Variants in PCDHA13 observed in about 807,000 individuals in gnomAD.
PCDHA13 encodes the protein protocadherin alpha-13.
A neutral mutation model predicts 64.8 loss-of-function variants in PCDHA13; 54 were observed. That is an observed-to-expected ratio of 0.83 (90% CI 0.67 to 1.04). The LOEUF (loss-of-function observed/expected upper bound fraction) is 1.04. Among genes scored for constraint, PCDHA13 ranks in the 50% least tolerant of loss-of-function variants. PCDHA13 has a pLI of 0.00. For synonymous variants in PCDHA13, 587 were observed against 564.4 expected, an observed-to-expected ratio of 1.04 and a Z score of -0.57; for missense variants, 1,248 against 1,254.3, an observed-to-expected ratio of 0.99 and a Z score of 0.08.
intron 2 of PCDHA13, chr5:140,982,263 C>A: frequency 1.2e-6 from 1 of 858,968 alleles, no homozygotes; most frequent in Non-Finnish European, 1.7e-6. Flanking sequence ...ATGTGTGTTC[C>A]TGGAATAGTA....
intron 1 of PCDHA13, chr5:140,928,082 T>C: frequency 1.2e-6 from 2 of 1,614,212 alleles, no homozygotes. Context: ...TACTACAGCC[T>C]GCTGATTGAT....
chr5:140,922,176 CA>C (rs3836750), intron 1 of PCDHA13, among the ~76,000 whole-genome samples: 49,174 of 150,706 alleles, frequency 0.33, 8,259 homozygotes, highest in East Asian at 0.53. Context: ...GTACAGCAGA[CA>C]AAAAAAAAGT....
intron 1 of PCDHA13, chr5:140,930,486 G>T (rs1211564539): frequency 6.6e-6 from 1 of 152,320 alleles, no homozygotes; most frequent in Non-Finnish European, 1.5e-5. Flanking sequence ...GCCTCCCAAA[G>T]TGCTGGGATT....
chr5:140,922,786 G>A (rs1397049612), intron 1 of PCDHA13, among the ~76,000 whole-genome samples: 2 of 152,198 alleles, frequency 1.3e-5, no homozygotes, highest in African/African-American at 4.8e-5. Context: ...AGAGAAAACT[G>A]TAGCTTTGGA....
At chr5:140,943,200 G>A (rs2093432800) in intron 1 of PCDHA13, among the ~76,000 whole-genome samples, 1 of 140,910 alleles carries the variant, frequency 7.1e-6, no homozygotes, top group Non-Finnish European at 1.5e-5. Context: ...GGAGGCTGCA[G>A]TAAGCCAAGA....
intron 1 of PCDHA13, among the ~76,000 whole-genome samples, chr5:140,977,306 C>T (rs995052680): frequency 6.6e-6 from 1 of 152,150 alleles, no homozygotes; most frequent in African/African-American, 2.4e-5. Context: ...GACAAGCTAA[C>T]GATAGTGCTC....
chr5:140,988,578 C>A (rs1490917539), intron 3 of PCDHA13, among the ~76,000 whole-genome samples: 1 of 152,138 alleles, frequency 6.6e-6, no homozygotes, highest in African/African-American at 2.4e-5. Context: ...ACACTCTGTA[C>A]CTTCCACTTT....
chr5:140,904,901 T>C (rs782489947), intron 1 of PCDHA13, among the ~76,000 whole-genome samples: 9 of 152,224 alleles, frequency 5.9e-5, no homozygotes, highest in Non-Finnish European at 1.0e-4. Context: ...TTTGTTTTTC[T>C]TACTGATTTG....
At chr5:140,993,321 G>A (rs1021026330) in intron 3 of PCDHA13, among the ~76,000 whole-genome samples, 58 of 152,134 alleles carry the variant, frequency 3.8e-4, no homozygotes, top group African/African-American at 5.3e-4. Context: ...TACCTTCTAA[G>A]TGTTTGTGAT....
chr5:140,929,409 T>C, intron 1 of PCDHA13: 11 of 1,506,206 alleles, frequency 7.3e-6, no homozygotes, highest in Non-Finnish European at 9.8e-6. Context: ...GACAAGCCTT[T>C]CACAACATTT....
chr5:140,962,288 A>G (rs1310558261), intron 1 of PCDHA13, among the ~76,000 whole-genome samples: 2 of 152,192 alleles, frequency 1.3e-5, no homozygotes, highest in African/African-American at 4.8e-5. Flanking sequence ...TCAACCTTTA[A>G]TATTCTATGA....
At chr5:140,966,542 G>C (rs926112867) in intron 1 of PCDHA13, 4 of 464,302 alleles carry the variant, frequency 8.6e-6, no homozygotes, top group Non-Finnish European at 1.5e-5. Flanking sequence ...GAGCGACTCG[G>C]AGGCGAGCGG....
At chr5:140,994,004 C>T (rs1366489476) in intron 3 of PCDHA13, among the ~76,000 whole-genome samples, 3 of 152,186 alleles carry the variant, frequency 2.0e-5, no homozygotes, top group Non-Finnish European at 2.9e-5. Context: ...AGGCCAGGCT[C>T]TGTTCTAGGT....
intron 1 of PCDHA13, among the ~76,000 whole-genome samples, chr5:140,888,287 C>A (rs1371852276): frequency 6.6e-6 from 1 of 152,072 alleles, no homozygotes; most frequent in Non-Finnish European, 1.5e-5. Context: ...CCCCTCTACC[C>A]CCTACCCAGG....
chr5:140,928,216 A>T, intron 1 of PCDHA13: 1 of 1,614,188 alleles, frequency 6.2e-7, no homozygotes, highest in Non-Finnish European at 8.5e-7. Context: ...GAATGACAAT[A>T]CACCAAACTT....
intron 1 of PCDHA13, among the ~76,000 whole-genome samples, chr5:140,917,324 CG>C (rs1299895515): frequency 5.3e-5 from 4 of 76,126 alleles, no homozygotes; most frequent in African/African-American, 1.7e-4. Context: ...GTTCATGTGG[CG>C]GGGGAGGGGG....
chr5:140,902,201 T>C (rs1554190261), intron 1 of PCDHA13, among the ~76,000 whole-genome samples: 1 of 145,052 alleles, frequency 6.9e-6, no homozygotes. Flanking sequence ...CTCTCTCTCT[T>C]TCTTTTTTTT....
intron 3 of PCDHA13, among the ~76,000 whole-genome samples, chr5:140,989,698 A>G (rs145222021): frequency 6.6e-6 from 1 of 152,344 alleles, no homozygotes; most frequent in African/African-American, 2.4e-5. Flanking sequence ...TGAAAATTTT[A>G]TCTTCAGAGG....
At chr5:140,976,528 A>G (rs1238458657) in intron 1 of PCDHA13, among the ~76,000 whole-genome samples, 1 of 152,112 alleles carries the variant, frequency 6.6e-6, no homozygotes, top group East Asian at 1.9e-4. Flanking sequence ...ACCAGCCTAA[A>G]TGACAGAGTA....
Sources: allele counts gnomAD v4.1 joint callset (sites outside exome capture counted in the v4.1 genomes callset), GRCh38; gene constraint gnomAD v4.1.1; transcripts MANE v1.5; gene names NCBI Gene and HGNC (gene_info 2026-07-23, HGNC 2026-07-21).